The following CELF5 variants were observed in gnomAD, a reference collection of about 807,000 sequenced individuals.
CELF5 encodes the protein CUGBP Elav-like family member 5, also known as CUG-BP and ETR-3 like factor 5.
In CELF5, 6 loss-of-function variants were observed where a neutral mutation model predicts 54.9. The ratio of observed to expected loss-of-function variants is 0.11; its 90% CI spans 0.06 to 0.22. The LOEUF (loss-of-function observed/expected upper bound fraction) is 0.22, where lower values mean the gene tolerates loss of function less well. Ranked by LOEUF, CELF5 falls within the 10% of genes least tolerant of loss-of-function variation. CELF5 has a pLI of 1.00. For missense variants in CELF5, 401 were observed against 678.6 expected (o/e 0.59, Z 4.54); for synonymous variants, 271 against 290.9 (o/e 0.93, Z 0.70).
chr19:3,239,592 T>C (rs2079462668), intron 1 of CELF5, among the ~76,000 whole-genome samples: 1 of 151,748 alleles, frequency 6.6e-6, no homozygotes, highest in South Asian at 2.1e-4. Context: ...AGGCTCAGGA[T>C]GGATGTAGCT....
rs117336652 is a variant in CELF5 at position 3,271,748 on chromosome 19, A to C, written c.343-2124A>C. On this transcript the variant is annotated intron_variant, in intron 2 of 12. Transcript: ENST00000292672. The stretch of plus-strand genomic sequence containing the variant: ...AGGTGGAAATCCAGAGGGGTCTCTG[A>C]GGAGGGGAGTGCAAAATAAGGGGTT... Among the ~76,000 whole-genome samples, 411 of 152,042 alleles carry C rather than the reference A, an allele frequency of 2.7e-3. 1 individual carries two copies. The highest frequency in any genetic ancestry group is 5.7e-3 in the Admixed American group (87 of 15,256).
Position 3,275,761 on chromosome 19 carries a change from G to T in CELF5, c.395-95G>T. 1 of 1,384,736 alleles carries T rather than the reference G, an allele frequency of 7.2e-7. No individual in the cohort carries two copies. Among genetic ancestry groups the T allele is most frequent in the Non-Finnish European group, 9.7e-7 (1 of 1,035,866 alleles). 85.8% of individuals were successfully genotyped at this position (1,384,736 alleles called of 1,614,324 possible). On this transcript the variant is annotated intron_variant, in intron 3 of 12. Transcript: ENST00000292672. The surrounding 1 kb of genome is among the most constrained non-coding windows in gnomAD (Gnocchi z 6.7). The stretch of plus-strand genomic sequence containing the variant: ...CAGGGCCCGGGCGCCGCGTCTTCCT[G>T]CCCTGCCGCCTCCACTCTGCTGGAG...
In CELF5 at chr19:3,269,198, G is replaced by A. The variant is rs566171156; in HGVS notation, c.343-4674G>A. ...TTCCACTAAATCTCTTTTTTGAGAC[G>A]GAGTATCACTCTTATTGCCCTGGCT... On this transcript the variant is annotated intron_variant, in intron 2 of 12. Transcript: ENST00000292672. Among the ~76,000 whole-genome samples the A allele has an allele frequency of 9.9e-5, 15 of 152,152 alleles. No individual in the cohort carries two copies. The South Asian group carries it at 2.9e-3, about 29-fold the overall frequency.
chr19:3,235,509 G>GATGGGTGAATGA (rs1555717265), intron 1 of CELF5, among the ~76,000 whole-genome samples: 11 of 588 alleles, frequency 0.019, no homozygotes, highest in Non-Finnish European at 0.024. Flanking sequence ...TGGGTGGGTG[G>GATGGGTGAATGA]ATGGATGGAT....
intron 5 of CELF5, among the ~76,000 whole-genome samples, chr19:3,280,982 G>C (rs926126115): frequency 4.6e-5 from 7 of 152,166 alleles, no homozygotes; most frequent in Non-Finnish European, 8.8e-5. Context: ...AGGCCTGGGC[G>C]CTGCACCTGT....
At chr19:3,247,653 TAC>T (rs1333345084) in intron 1 of CELF5, among the ~76,000 whole-genome samples, 2 of 151,858 alleles carry the variant, frequency 1.3e-5, no homozygotes, top group Non-Finnish European at 2.9e-5. Flanking sequence ...AATCATTTGT[TAC>T]ATTGCACGCT....
rs1027861667 is a variant in CELF5, at chr19:3,228,913, T to C, written c.259+3915T>C. Among the ~76,000 whole-genome samples, 9 of 147,302 alleles carry C rather than the reference T, an allele frequency of 6.1e-5. No homozygotes were observed. Among genetic ancestry groups the C allele is most frequent in the East Asian group, 4.1e-4 (2 of 4,856 alleles). ...GTGTGTGTGTGTGTGTGTGTGTGTG[T>C]GTACGCGGGCGCGCGCCTGGGAAGG... is the stretch of plus-strand genomic sequence containing the variant. On this transcript the variant is annotated intron_variant, in intron 1 of 12. Transcript: ENST00000292672. This position sits in a 1 kb window ranked among gnomAD's most constrained non-coding sequence, Gnocchi z 6.0.
rs201593652 is a variant in CELF5, at chr19:3,271,264, AC to A, written c.343-2601del. ...CCCATCTCTCCCCACCTCCCCTGGC[AC>A]CCCCCCGCTTCCAGCCCAGAAGCTG... is the stretch of plus-strand genomic sequence containing the variant. On this transcript the variant is annotated intron_variant, in intron 2 of 12. Transcript: ENST00000292672. Among the ~76,000 whole-genome samples, 396 of 142,482 alleles carry A rather than the reference AC, an allele frequency of 2.8e-3. 1 individual carries two copies. The highest frequency in any genetic ancestry group is 5.5e-3 in the Admixed American group (79 of 14,454). The allele number at this position is 142,482 out of a possible 152,430, so 93.5% of individuals were successfully genotyped here.
In CELF5 at chr19:3,273,917, G is replaced by A. The variant is rs751351687; in HGVS notation, c.388G>A (p.Gly130Arg). 3.7e-6 allele frequency: 6 copies of A among 1,613,408 alleles called. No homozygotes were observed. The highest frequency in any genetic ancestry group is 1.6e-4 in the Middle Eastern group (1 of 6,078). Residue 130 changes from glycine to arginine, a missense_variant, in exon 3 of 13, where the codon GGA becomes AGA. By Grantham distance (125) the Gly-to-Arg change is moderately radical. This residue lies in a region of CELF5 where 66 missense variants were observed against 132.3 expected (regional missense o/e 0.50). Coordinates refer to ENST00000292672, the MANE Select transcript of CELF5 (RefSeq NM_021938.4). ...GAAGCCTGCGGACAGTGAAAGCCGCGGAGGTAGTTGTCATCTCTCCGTGGC... is the reference window on the plus strand; with the variant it reads ...GAAGCCTGCGGACAGTGAAAGCCGCAGAGGTAGTTGTCATCTCTCCGTGGC... ...QVKPADSESRGGRDRKLFVGM... is the reference protein window; with the variant it reads ...QVKPADSESRRGRDRKLFVGM...
In CELF5 at chr19:3,224,952, C is replaced by T. The variant is rs775867300; in HGVS notation, c.213C>T (p.Ile71=). 1.8e-5 allele frequency: 29 copies of T among 1,608,618 alleles called. No individual in the cohort carries two copies. In the Admixed American group the frequency reaches 3.7e-4, roughly 20 times the overall value. The change falls in exon 1 of 13, where the codon ATC becomes ATT. Residue 71 remains isoleucine (I), a synonymous_variant. Coordinates refer to ENST00000292672, the MANE Select transcript of CELF5 (RefSeq NM_021938.4). ...LKPLFEQFGR[I]YELTVLKDPY... is the part of the protein sequence containing the mutation. ...CGCTCTTCGAGCAGTTCGGCCGCAT[C>T]TACGAGCTCACGGTGCTCAAAGACC...
intron 1 of CELF5, among the ~76,000 whole-genome samples, chr19:3,232,008 T>G: frequency 6.6e-6 from 1 of 151,578 alleles, no homozygotes; most frequent in African/African-American, 2.4e-5. Flanking sequence ...GGATGGATGA[T>G]GGATAGAAGA....
intron 1 of CELF5, among the ~76,000 whole-genome samples, chr19:3,240,418 C>T (rs1283017186): frequency 2.6e-5 from 4 of 151,850 alleles, no homozygotes; most frequent in African/African-American, 7.3e-5. Flanking sequence ...CTCTGCCTCC[C>T]GGGTTCAAGA....
At chr19:3,239,663 C>G (rs1426601971) in intron 1 of CELF5, among the ~76,000 whole-genome samples, 2 of 151,960 alleles carry the variant, frequency 1.3e-5, no homozygotes, top group African/African-American at 4.8e-5. Context: ...CCAAGTGCAT[C>G]CCAGCCATCC....
chr19:3,241,086 G>A (rs1220171610), intron 1 of CELF5, among the ~76,000 whole-genome samples: 3 of 147,928 alleles, frequency 2.0e-5, no homozygotes, highest in East Asian at 3.9e-4. Flanking sequence ...TTTTTGAGGC[G>A]GAGTCTTGCT....
chr19:3,229,716 T>A (rs1317937166), intron 1 of CELF5, among the ~76,000 whole-genome samples: 4 of 152,166 alleles, frequency 2.6e-5, no homozygotes, highest in Non-Finnish European at 4.4e-5. Flanking sequence ...GCACAGAGTA[T>A]GTGCTTGGTC....
At chr19:3,273,175 G>GT (rs1348954149) in intron 2 of CELF5, among the ~76,000 whole-genome samples, 11 of 152,080 alleles carry the variant, frequency 7.2e-5, no homozygotes, top group Admixed American at 4.6e-4. Context: ...TCCAGTCATT[G>GT]TATTTGTTCT....
Position 3,285,970 on chromosome 19 carries a change from C to A in CELF5, c.1131C>A (p.Pro377=). Residue 377 remains proline, a synonymous_variant, in exon 10 of 13, where the codon CCC becomes CCA. Transcript: ENST00000292672. ...TGTACCCCACCGCGGCCATCACGCC[C>A]ATCGCGCACAGCGTCCCCCAGCCGC... ...TAMYPTAAIT[P]IAHSVPQPPP... 1 of 1,589,722 alleles carries A rather than the reference C, an allele frequency of 6.3e-7. No individual in the cohort carries two copies. The highest frequency in any genetic ancestry group is 8.5e-7 in the Non-Finnish European group (1 of 1,174,106).
intron 5 of CELF5, among the ~76,000 whole-genome samples, chr19:3,279,808 T>G (rs2145255701): frequency 6.6e-6 from 1 of 152,310 alleles, no homozygotes; most frequent in East Asian, 1.9e-4. Context: ...GTTCAAGCGA[T>G]TCTTCTGCCT....
chr19:3,273,825 C>A, intron 2 of CELF5, 47 bp from the exon 3 acceptor site: 3 of 1,281,148 alleles, frequency 2.3e-6, no homozygotes, highest in Non-Finnish European at 3.4e-6. Flanking sequence ...CCGCCTGCCA[C>A]ACCCCCACTG....
Sources: allele counts gnomAD v4.1 joint callset (sites outside exome capture counted in the v4.1 genomes callset), GRCh38; gene constraint gnomAD v4.1.1; regional missense constraint gnomAD v4.1.1; non-coding constraint Gnocchi (gnomAD v3.1); transcripts MANE v1.5; gene names NCBI Gene and HGNC (gene_info 2026-07-23, HGNC 2026-07-21).